ICA1: variants seen among roughly 807,000 people sequenced by gnomAD.
ICA1 encodes islet cell autoantigen 1, also known as 69 kDa islet cell autoantigen.
ICA1 carries 40 observed loss-of-function variants against 71.0 expected under a neutral mutation model. That is an observed-to-expected ratio of 0.56 (90% CI 0.44 to 0.73). The LOEUF (loss-of-function observed/expected upper bound fraction) is 0.73, where lower values mean the gene tolerates loss of function less well. Ranked by LOEUF, ICA1 falls within the 30% of genes least tolerant of loss-of-function variation. The pLI is 0.00. For synonymous variants in ICA1, 207 were observed against 209.5 expected (o/e 0.99, Z 0.10); for missense variants, 578 against 576.5 (o/e 1.00, Z -0.03).
chr7:8,140,419 G>C (rs1378235722), intron 10 of ICA1, among the ~76,000 whole-genome samples: 1 of 152,162 alleles, frequency 6.6e-6, no homozygotes, highest in Admixed American at 6.5e-5. Flanking sequence ...GACAAGTCTT[G>C]CCATAGCACT....
chr7:8,207,715 G>T (rs907063157), intron 6 of ICA1, among the ~76,000 whole-genome samples: 5 of 152,190 alleles, frequency 3.3e-5, no homozygotes, highest in Non-Finnish European at 5.9e-5. Context: ...CCGGTAACAT[G>T]CCAGCCTCCA....
intron 6 of ICA1, among the ~76,000 whole-genome samples, chr7:8,189,211 A>G (rs2128292591): frequency 6.6e-6 from 1 of 152,216 alleles, no homozygotes; most frequent in East Asian, 1.9e-4. Context: ...CACCAAGCCC[A>G]GAGCCTGCAC....
In ICA1 at chr7:8,113,717, T is replaced by A. The variant is rs1783858805; in HGVS notation, c.*206A>T. 3.8e-6 allele frequency: 2 copies of A among 522,098 alleles called. No homozygotes were observed. Among genetic ancestry groups the A allele is most frequent in the African/African-American group, 3.8e-5 (2 of 52,182 alleles). The allele number at this position is 522,098 out of a possible 1,614,324, so 32.3% of individuals were successfully genotyped here. A position where few individuals can be genotyped will look rare whatever the true frequency, so the allele number is the denominator to read the frequency against. The stretch of plus-strand genomic sequence containing the variant: ...ACCGCTTCTAGACAATCCTGTATTA[T>A]TTAGATCCACATAGAGATACACGAA... On this transcript the variant is annotated 3_prime_UTR_variant, in exon 14 of 14. Transcript: ENST00000402384. The surrounding 1 kb of genome is among the most constrained non-coding windows in gnomAD (Gnocchi z 4.2).
intron 6 of ICA1, among the ~76,000 whole-genome samples, chr7:8,176,404 G>C (rs1409285237): frequency 6.6e-6 from 1 of 152,194 alleles, no homozygotes; most frequent in African/African-American, 2.4e-5. Context: ...AGCAGAGTTA[G>C]CAGCTTCCTC....
chr7:8,125,830 C>G (rs982354760), intron 13 of ICA1, among the ~76,000 whole-genome samples: 2 of 152,214 alleles, frequency 1.3e-5, no homozygotes, highest in African/African-American at 4.8e-5. Flanking sequence ...AATGGCCTCC[C>G]TTTGCAGTTC....
rs914873566 is a variant in ICA1 at position 8,156,864 on chromosome 7, G to A, written c.804+252C>T. 2.0e-6 allele frequency: 3 copies of A among 1,509,328 alleles called. No homozygotes were observed. In the African/African-American group the frequency reaches 4.3e-5, roughly 21 times the overall value. The allele number at this position is 1,509,328 out of a possible 1,614,324, so 93.5% of individuals were successfully genotyped here. A position where few individuals can be genotyped will look rare whatever the true frequency, so the allele number is the denominator to read the frequency against. ...CATCTCCCAGGAACATGTATCTCAA[G>A]GTTCAAGGTTCAATTCGCGCTTTTG... is the stretch of plus-strand genomic sequence containing the variant. On this transcript the variant is annotated intron_variant, in intron 8 of 13. Coordinates refer to ENST00000402384, the MANE Select transcript of ICA1 (RefSeq NM_001136020.3).
At chr7:8,176,334 T>G (rs926729088) in intron 6 of ICA1, among the ~76,000 whole-genome samples, 1 of 152,244 alleles carries the variant, frequency 6.6e-6, no homozygotes, top group African/African-American at 2.4e-5. Flanking sequence ...TTCTCACTCA[T>G]CTTTTAAGTT....
At chr7:8,218,621 C>T (rs545908404) in intron 5 of ICA1, 118 bp from the exon 6 acceptor site, 1 of 764,312 alleles carries the variant, frequency 1.3e-6, no homozygotes, top group Non-Finnish European at 2.2e-6. Context: ...GTAGAAGATG[C>T]TCCATCAATA....
intron 1 of ICA1, among the ~76,000 whole-genome samples, chr7:8,253,103 G>C (rs1329358898): frequency 1.3e-5 from 2 of 152,168 alleles, no homozygotes; most frequent in Non-Finnish European, 2.9e-5. Context: ...TTTTGTTGGA[G>C]AGCCTCAGTC....
At chr7:8,121,355 C>T (rs146534801) in intron 13 of ICA1, among the ~76,000 whole-genome samples, 3 of 152,170 alleles carry the variant, frequency 2.0e-5, no homozygotes, top group Non-Finnish European at 4.4e-5. Flanking sequence ...TCTGGAAATA[C>T]GATGGTGAGC....
chr7:8,248,645 G>A (rs1418940674), intron 1 of ICA1, among the ~76,000 whole-genome samples: 2 of 152,166 alleles, frequency 1.3e-5, no homozygotes, highest in Non-Finnish European at 2.9e-5. Context: ...GAGCCAGGAA[G>A]GTGGAAGTTG....
intron 12 of ICA1, among the ~76,000 whole-genome samples, chr7:8,131,761 C>T (rs1010475724): frequency 1.3e-5 from 2 of 152,148 alleles, no homozygotes; most frequent in Non-Finnish European, 2.9e-5. Flanking sequence ...CAAGTTGAGA[C>T]TTGAGAAATA....
intron 6 of ICA1, among the ~76,000 whole-genome samples, chr7:8,208,272 C>G (rs1792329978): frequency 6.6e-6 from 1 of 152,140 alleles, no homozygotes; most frequent in South Asian, 2.1e-4. Flanking sequence ...GAAGAAAATT[C>G]TTTTTGATTC....
Position 8,173,352 on chromosome 7 carries a change from G to A in ICA1, c.580-14700C>T, listed in dbSNP as rs988729306. 6.6e-6 allele frequency among the ~76,000 whole-genome samples: 1 copy of A among 152,148 alleles called. No individual in the cohort carries two copies. The highest frequency in any genetic ancestry group is 1.5e-5 in the Non-Finnish European group (1 of 68,014). On this transcript the variant is annotated intron_variant, in intron 6 of 13. Coordinates refer to ENST00000402384, the MANE Select transcript of ICA1 (RefSeq NM_001136020.3). This position sits in a 1 kb window ranked among gnomAD's most constrained non-coding sequence, Gnocchi z 4.0. ...AAAATGAGACATTGTGAGCATCAAT[G>A]AAGTTAATATTGGCAACGATTAAAA...
At chr7:8,117,063 G>A (rs1385838540) in intron 13 of ICA1, among the ~76,000 whole-genome samples, 1 of 152,092 alleles carries the variant, frequency 6.6e-6, no homozygotes, top group Non-Finnish European at 1.5e-5. Flanking sequence ...GAATTCTCGC[G>A]AGATCTGATG....
At chr7:8,136,159 T>C (rs1434829968) in intron 12 of ICA1, among the ~76,000 whole-genome samples, 1 of 152,210 alleles carries the variant, frequency 6.6e-6, no homozygotes, top group African/African-American at 2.4e-5. Context: ...GGGGTGATTT[T>C]CTGGGCAATG....
rs1480881441 is a variant in ICA1, at chr7:8,227,896, A to AT, written c.256+704dup. The AT allele has an allele frequency of 6.7e-6, 3 of 445,020 alleles. No homozygotes were observed. The Admixed American group carries it at 7.5e-5, about 11-fold the overall frequency. The allele number at this position is 445,020 out of a possible 1,614,324, so 27.6% of individuals were successfully genotyped here. ...ACAATGCACCCAGCCTACCAAAATG[A>AT]TTGTCTTAATAAAATATTACTGATG... On this transcript the variant is annotated intron_variant, in intron 4 of 13. Coordinates refer to ENST00000402384, the MANE Select transcript of ICA1 (RefSeq NM_001136020.3).
At chr7:8,120,798 G>T (rs753696880) in intron 13 of ICA1, among the ~76,000 whole-genome samples, 6 of 152,226 alleles carry the variant, frequency 3.9e-5, no homozygotes, top group Non-Finnish European at 7.3e-5. Flanking sequence ...GCATAAGGCC[G>T]GCCAGCTACA....
intron 8 of ICA1, among the ~76,000 whole-genome samples, chr7:8,150,007 C>T (rs766505352): frequency 1.7e-4 from 26 of 152,188 alleles, no homozygotes; most frequent in Admixed American, 5.9e-4. Context: ...AACACTATTA[C>T]TCTGTAACTA....
Sources: gnomAD v4.1 joint callset for allele counts (sites outside exome capture counted in the v4.1 genomes callset) on GRCh38, gnomAD v4.1.1 for gene constraint, Gnocchi (gnomAD v3.1) non-coding constraint, MANE v1.5 for transcripts, NCBI Gene and HGNC (gene_info 2026-07-23, HGNC 2026-07-21) for gene names.